The following MSI2 variants were observed in gnomAD, a reference collection of about 807,000 sequenced individuals.
MSI2 encodes musashi RNA binding protein 2.
In MSI2, 17 loss-of-function variants were observed where a neutral mutation model predicts 45.6. The observed-to-expected ratio is 0.37, with a 90% confidence interval of 0.26 to 0.56. The LOEUF is 0.56. Ranked by LOEUF, MSI2 falls within the 20% of genes least tolerant of loss-of-function variation. MSI2 has a pLI of 0.77. For synonymous variants in MSI2, 156 were observed against 158.2 expected (o/e 0.99, Z 0.11); for missense variants, 293 against 444.2 (o/e 0.66, Z 3.06).
intron 6 of MSI2, among the ~76,000 whole-genome samples, chr17:57,461,155 T>C (rs2085219337): frequency 6.6e-6 from 1 of 152,046 alleles, no homozygotes; most frequent in Non-Finnish European, 1.5e-5. Context: ...TCTGCCGGCT[T>C]CTCCCTGCCC....
At chr17:57,262,285 G>A in intron 5 of MSI2, 93 bp downstream of exon 5, 1 of 1,345,564 alleles carries the variant, frequency 7.4e-7, no homozygotes. Context: ...AACTGTTGAA[G>A]CCTGGTATTC....
chr17:57,681,414 TA>T lies in MSI2; in HGVS notation c.*1899del. ...TTGTTACGTTTATAAATTTGGTACT[TA>T]AGGCACAGCCAGTATGAGACACTGA... On this transcript the variant is annotated 3_prime_UTR_variant, in exon 14 of 14. Coordinates refer to ENST00000284073, the MANE Select transcript of MSI2 (RefSeq NM_138962.4). 1 of 179,218 alleles carries T rather than the reference TA, an allele frequency of 5.6e-6. No homozygotes were observed. Among genetic ancestry groups the T allele is most frequent in the Non-Finnish European group, 1.2e-5 (1 of 83,568 alleles). The allele number at this position is 179,218 out of a possible 1,614,324, so 11.1% of individuals were successfully genotyped here.
At chr17:57,536,241 A>G (rs905597536) in intron 7 of MSI2, among the ~76,000 whole-genome samples, 72 of 152,206 alleles carry the variant, frequency 4.7e-4, no homozygotes, top group Admixed American at 4.7e-3. Context: ...TTCTGACTTT[A>G]TTTACCTAGG....
the MSI2 span, among the ~76,000 whole-genome samples, chr17:57,701,099 T>C: frequency 6.6e-6 from 1 of 151,934 alleles, no homozygotes; most frequent in Non-Finnish European, 1.5e-5. Flanking sequence ...TGAACAGATA[T>C]GTAAGGTGGT....
intron 5 of MSI2, among the ~76,000 whole-genome samples, chr17:57,361,827 G>A (rs1483108839): frequency 6.6e-6 from 1 of 152,140 alleles, no homozygotes; most frequent in Non-Finnish European, 1.5e-5. Context: ...TGTTGTTCAA[G>A]GTTTGACTGT....
the MSI2 span, among the ~76,000 whole-genome samples, chr17:57,701,196 A>G: frequency 6.6e-6 from 1 of 152,322 alleles, no homozygotes; most frequent in African/African-American, 2.4e-5. Flanking sequence ...GTACGTGCAC[A>G]TGAAGTGGGA....
intron 10 of MSI2, among the ~76,000 whole-genome samples, chr17:57,644,772 C>T (rs930759844): frequency 2.0e-5 from 3 of 152,154 alleles, no homozygotes; most frequent in East Asian, 1.9e-4. Flanking sequence ...ATGGACCATT[C>T]GGGGCCGGTG....
intron 7 of MSI2, among the ~76,000 whole-genome samples, chr17:57,535,226 G>T (rs2086897147): frequency 6.6e-6 from 1 of 152,236 alleles, no homozygotes; most frequent in African/African-American, 2.4e-5. Context: ...TATGGGGGAA[G>T]GGAACCCTCC....
At chr17:57,296,524 G>A (rs538963178) in intron 5 of MSI2, among the ~76,000 whole-genome samples, 11 of 152,128 alleles carry the variant, frequency 7.2e-5, no homozygotes, top group African/African-American at 2.4e-4. Context: ...TTTCTTTGAC[G>A]ATAGGGAGAA....
chr17:57,485,563 A>C (rs2085736956), intron 6 of MSI2, among the ~76,000 whole-genome samples: 1 of 152,206 alleles, frequency 6.6e-6, no homozygotes, highest in African/African-American at 2.4e-5. Flanking sequence ...TCAGGAAAGA[A>C]AGGGCCCGTG....
intron 9 of MSI2, among the ~76,000 whole-genome samples, chr17:57,624,049 C>A (rs139671366): frequency 1.2e-3 from 177 of 152,224 alleles, no homozygotes; most frequent in African/African-American, 4.1e-3. Context: ...TTGGGGTGAA[C>A]TTGACCATGC....
At chr17:57,375,658 G>A (rs960424253) in intron 5 of MSI2, among the ~76,000 whole-genome samples, 14 of 152,162 alleles carry the variant, frequency 9.2e-5, no homozygotes, top group Non-Finnish European at 2.1e-4. Context: ...ATGACTTCAG[G>A]CAGTGTTATT....
intron 6 of MSI2, among the ~76,000 whole-genome samples, chr17:57,412,307 G>A (rs1288611517): frequency 6.6e-6 from 1 of 152,004 alleles, no homozygotes; most frequent in Non-Finnish European, 1.5e-5. Context: ...CAAAGTGCTG[G>A]GATTACAGGT....
intron 5 of MSI2, among the ~76,000 whole-genome samples, chr17:57,271,595 C>A (rs1262275790): frequency 6.6e-6 from 1 of 152,038 alleles, no homozygotes; most frequent in Non-Finnish European, 1.5e-5. Flanking sequence ...TTCCTGCCAC[C>A]TTGGGCCTTC....
chr17:57,293,076 A>G (rs1466187891), intron 5 of MSI2, among the ~76,000 whole-genome samples: 1 of 152,026 alleles, frequency 6.6e-6, no homozygotes, highest in African/African-American at 2.4e-5. Context: ...AAATCTGAGA[A>G]CATTTGAAGA....
At chr17:57,565,828 C>G (rs2087717983) in intron 7 of MSI2, 1 of 152,202 alleles carries the variant, frequency 6.6e-6, no homozygotes, top group African/African-American at 2.4e-5. Context: ...TCTTGCTATT[C>G]TCCTCTTTCT....
At chr17:57,595,968 C>T (rs973362124) in intron 7 of MSI2, among the ~76,000 whole-genome samples, 1 of 152,216 alleles carries the variant, frequency 6.6e-6, no homozygotes, top group African/African-American at 2.4e-5. Context: ...GTGTCTGCCC[C>T]CATGGCCTGT....
intron 5 of MSI2, among the ~76,000 whole-genome samples, chr17:57,312,946 A>G (rs1480948664): frequency 2.0e-5 from 3 of 152,124 alleles, no homozygotes; most frequent in African/African-American, 7.2e-5. Context: ...TCCTGGGTTC[A>G]AGCGATTCTC....
chr17:57,681,462 G>A lies in MSI2; in HGVS notation c.*1945G>A, dbSNP rs1405925832. ...CTGAATGCGACATTTATTATAAAGA[G>A]CTGCTGCACTCCTATTTTTATAAAT... On this transcript the variant is annotated 3_prime_UTR_variant, in exon 14 of 14. Transcript: ENST00000284073. 5.5e-6 allele frequency: 1 copy of A among 180,646 alleles called. No individual in the cohort carries two copies. The highest frequency in any genetic ancestry group is 1.2e-5 in the Non-Finnish European group (1 of 84,678). 11.2% of individuals were successfully genotyped at this position (180,646 alleles called of 1,614,324 possible).
Sources: allele counts gnomAD v4.1 joint callset (sites outside exome capture counted in the v4.1 genomes callset), GRCh38; gene constraint gnomAD v4.1.1; transcripts MANE v1.5; gene names NCBI Gene and HGNC (gene_info 2026-07-23, HGNC 2026-07-21).